PITPNC1: variants seen among roughly 807,000 people sequenced by gnomAD.
The protein encoded by PITPNC1 is phosphatidylinositol transfer protein cytoplasmic 1.
A neutral mutation model predicts 44.7 loss-of-function variants in PITPNC1; 18 were observed. The ratio of observed to expected loss-of-function variants is 0.40; its 90% confidence interval spans 0.28 to 0.60. The LOEUF is 0.60. PITPNC1 is among the 20% of genes least tolerant of loss of function. The pLI is 0.39. For missense variants in PITPNC1, 290 were observed against 418.4 expected, an observed-to-expected ratio of 0.69 and a Z score of 2.68; for synonymous variants, 141 against 149.6, an observed-to-expected ratio of 0.94 and a Z score of 0.42.
At chr17:67,429,211 A>T (rs2038819660) in intron 1 of PITPNC1, among the ~76,000 whole-genome samples, 1 of 152,210 alleles carries the variant, frequency 6.6e-6, no homozygotes, top group Non-Finnish European at 1.5e-5. Flanking sequence ...GAAGGAAGAA[A>T]GAAAAAAAGA....
chr17:67,583,775 A>T (rs1304805200), intron 5 of PITPNC1, among the ~76,000 whole-genome samples: 2 of 134 alleles, frequency 0.015, no homozygotes, highest in African/African-American at 0.043. Context: ...GCTCACTGCA[A>T]GCTCCGGCCT....
At chr17:67,627,930 GTT>G (rs113761965) in intron 5 of PITPNC1, among the ~76,000 whole-genome samples, 4 of 137,622 alleles carry the variant, frequency 2.9e-5, no homozygotes, top group African/African-American at 2.7e-5. Flanking sequence ...CTTCTTTTTT[GTT>G]TTTTTTTTTT....
At chr17:67,631,643 A>AT (rs1158917120) in intron 5 of PITPNC1, among the ~76,000 whole-genome samples, 456 of 8,158 alleles carry the variant, frequency 0.056, 9 homozygotes, top group East Asian at 0.21. Context: ...ACCAAAAAAA[A>AT]AAAAAAAAAA....
intron 1 of PITPNC1, among the ~76,000 whole-genome samples, chr17:67,498,788 G>A (rs1486204569): frequency 6.6e-6 from 1 of 151,510 alleles, no homozygotes. Flanking sequence ...GCATTTCCTT[G>A]ATGATTAGTG....
chr17:67,406,311 C>G (rs1375261325), intron 1 of PITPNC1, among the ~76,000 whole-genome samples: 1 of 151,560 alleles, frequency 6.6e-6, no homozygotes, highest in African/African-American at 2.4e-5. Flanking sequence ...TTGGCCAATT[C>G]TAGAATATTT....
chr17:67,638,375 T>C (rs1483557610), intron 6 of PITPNC1: 1 of 152,252 alleles, frequency 6.6e-6, no homozygotes, highest in Non-Finnish European at 1.5e-5. Flanking sequence ...TCAAGTCCAG[T>C]ACTTTCTCCT....
At chr17:67,478,777 C>T (rs1269792493) in intron 1 of PITPNC1, among the ~76,000 whole-genome samples, 1 of 152,056 alleles carries the variant, frequency 6.6e-6, no homozygotes, top group African/African-American at 2.4e-5. Flanking sequence ...ATTATACGCA[C>T]AGAAGCCATT....
chr17:67,492,607 C>T (rs2364968), intron 1 of PITPNC1, among the ~76,000 whole-genome samples: 17,337 of 152,198 alleles, frequency 0.11, 1,234 homozygotes, highest in Middle Eastern at 0.2. Flanking sequence ...AAAATCATCA[C>T]ACCTAGATGA....
At chr17:67,455,858 T>C (rs1476867557) in intron 1 of PITPNC1, among the ~76,000 whole-genome samples, 1 of 152,230 alleles carries the variant, frequency 6.6e-6, no homozygotes, top group Admixed American at 6.5e-5. Flanking sequence ...GCCCCTCTTA[T>C]ATTTTTACTT....
intron 8 of PITPNC1, 60 bp from the exon 9 acceptor site, chr17:67,692,511 GA>G: frequency 8.5e-7 from 1 of 1,181,936 alleles, no homozygotes; most frequent in Non-Finnish European, 1.2e-6. Context: ...GGGTAGTGAT[GA>G]ATCTATTTGC....
intron 1 of PITPNC1, among the ~76,000 whole-genome samples, chr17:67,488,292 G>A (rs1211641740): frequency 6.6e-6 from 1 of 152,184 alleles, no homozygotes; most frequent in Non-Finnish European, 1.5e-5. Context: ...GGAGCGCTTC[G>A]GAATTCACCT....
intron 6 of PITPNC1, among the ~76,000 whole-genome samples, chr17:67,637,081 T>A (rs968800814): frequency 6.6e-6 from 1 of 152,236 alleles, no homozygotes; most frequent in African/African-American, 2.4e-5. Flanking sequence ...CACTATGGCA[T>A]GAGCTCTGCG....
At chr17:67,618,239 C>T (rs937633366) in intron 5 of PITPNC1, among the ~76,000 whole-genome samples, 1 of 151,890 alleles carries the variant, frequency 6.6e-6, no homozygotes, top group African/African-American at 2.4e-5. Flanking sequence ...ATGGTGCACA[C>T]CTGTAATCCC....
At chr17:67,446,520 GT>G (rs11301995) in intron 1 of PITPNC1, among the ~76,000 whole-genome samples, 37,617 of 144,878 alleles carry the variant, frequency 0.26, 5,992 homozygotes, top group African/African-American at 0.45. Flanking sequence ...CCTCATTAAG[GT>G]TTTTTTTTTT....
intron 1 of PITPNC1, among the ~76,000 whole-genome samples, chr17:67,433,461 G>A (rs1236846581): frequency 4.6e-5 from 7 of 152,184 alleles, no homozygotes; most frequent in Non-Finnish European, 1.0e-4. Context: ...AGGAAGCTGG[G>A]GAGCCGGGTG....
At chr17:67,380,213 T>G (rs1292514124) in intron 1 of PITPNC1, among the ~76,000 whole-genome samples, 2 of 152,076 alleles carry the variant, frequency 1.3e-5, no homozygotes, top group African/African-American at 2.4e-5. Context: ...TAGCTGAGAT[T>G]ACAGGTGCCT....
chr17:67,571,336 G>A (rs1344465714), intron 4 of PITPNC1, among the ~76,000 whole-genome samples: 1 of 152,204 alleles, frequency 6.6e-6, no homozygotes, highest in Admixed American at 6.5e-5. Flanking sequence ...GGAGGCTGAG[G>A]CGGGAGGATT....
At chr17:67,522,249 C>T (rs1025837680) in intron 1 of PITPNC1, among the ~76,000 whole-genome samples, 1 of 149,076 alleles carries the variant, frequency 6.7e-6, no homozygotes, top group Non-Finnish European at 1.5e-5. Context: ...GATTGCAGTG[C>T]GCCGAGATCA....
At chr17:67,456,062 A>G (rs2039250611) in intron 1 of PITPNC1, among the ~76,000 whole-genome samples, 2 of 152,120 alleles carry the variant, frequency 1.3e-5, no homozygotes, top group South Asian at 2.1e-4. Context: ...AAACAAGTCT[A>G]TTATTATCAT....
Sources: allele counts gnomAD v4.1 joint callset (sites outside exome capture counted in the v4.1 genomes callset), GRCh38; gene constraint gnomAD v4.1.1; transcripts MANE v1.5; gene names NCBI Gene and HGNC (gene_info 2026-07-23, HGNC 2026-07-21).